The following NSD2 variants were observed in gnomAD, a reference collection of about 807,000 sequenced individuals.
NSD2 encodes nuclear receptor binding SET domain protein 2.
NSD2 carries 12 observed loss-of-function variants against 139.0 expected under a neutral mutation model. The observed-to-expected ratio is 0.09, with a 90% confidence interval of 0.06 to 0.14. NSD2 has a LOEUF of 0.14. NSD2 is among the 10% of genes least tolerant of loss of function. NSD2 has a pLI of 1.00. For synonymous variants in NSD2, 669 were observed against 648.7 expected (o/e 1.03, Z -0.48); for missense variants, 1,155 against 1,745.0 (o/e 0.66, Z 6.02).
intron 9 of NSD2, chr4:1,943,952 C>G: frequency 9.4e-7 from 1 of 1,064,708 alleles, no homozygotes; most frequent in Middle Eastern, 4.2e-4. Context: ...ATAGGTGCTC[C>G]CTCTATATTA....
chr4:1,953,266 C>T (rs779428449), intron 11 of NSD2, 58 bp from the exon 12 acceptor site: 1 of 1,614,014 alleles, frequency 6.2e-7, no homozygotes, highest in South Asian at 1.1e-5. Context: ...CTCAGAACTG[C>T]AATTTAATTC....
chr4:1,970,785 A>G (rs1024900505), intron 18 of NSD2, among the ~76,000 whole-genome samples: 1 of 152,148 alleles, frequency 6.6e-6, no homozygotes, highest in Non-Finnish European at 1.5e-5. Flanking sequence ...TGTCCGGGAC[A>G]TTACATGTGG....
chr4:1,923,955 C>T (rs1720512477), intron 5 of NSD2, among the ~76,000 whole-genome samples: 1 of 152,170 alleles, frequency 6.6e-6, no homozygotes, highest in Non-Finnish European at 1.5e-5. Context: ...TCTCTGCGTC[C>T]ATCTAAAAAG....
rs1032908921 is a variant in NSD2, at chr4:1,973,693, C to T, written c.3373-1170C>T. 1.3e-5 allele frequency among the ~76,000 whole-genome samples: 2 copies of T among 152,222 alleles called. No homozygotes were observed. Among genetic ancestry groups the T allele is most frequent in the African/African-American group, 4.8e-5 (2 of 41,462 alleles). On this transcript the variant is annotated intron_variant, in intron 18 of 21. Transcript: ENST00000508803. This position sits in a 1 kb window ranked among gnomAD's most constrained non-coding sequence, Gnocchi z 5.5. Reference sequence around the variant, plus strand: ...TGGGAGATTGCACCAGGGCTGGGTGCGTGGGCAGTTGTGTCAGAGGCCGCG... The same window carrying T: ...TGGGAGATTGCACCAGGGCTGGGTGTGTGGGCAGTTGTGTCAGAGGCCGCG...
At chr4:1,940,861 C>T (rs531285574) in intron 9 of NSD2, 8 of 1,057,110 alleles carry the variant, frequency 7.6e-6, no homozygotes, top group South Asian at 9.1e-5. Context: ...GCAACCTGGG[C>T]GGGGCTCATA....
chr4:1,914,226 T>G (rs1719060502), intron 3 of NSD2, among the ~76,000 whole-genome samples: 1 of 152,124 alleles, frequency 6.6e-6, no homozygotes, highest in African/African-American at 2.4e-5. Flanking sequence ...TTTTGCTATG[T>G]CGGCCAGGCT....
Position 1,942,740 on chromosome 4 carries a change from C to G in NSD2, c.1881+2962C>G. Reference sequence around the variant, plus strand: ...AGGGGTGGCCCTGTTAGAGTTGCTTCTCCTCTAGTTTGTAACTTACTGGAC... The same window carrying G: ...AGGGGTGGCCCTGTTAGAGTTGCTTGTCCTCTAGTTTGTAACTTACTGGAC... On this transcript the variant is annotated intron_variant, in intron 9 of 21. Coordinates refer to ENST00000508803, the MANE Select transcript of NSD2 (RefSeq NM_001042424.3). This position sits in a 1 kb window ranked among gnomAD's most constrained non-coding sequence, Gnocchi z 4.0. 1 of 1,093,738 alleles carries G rather than the reference C, an allele frequency of 9.1e-7. No homozygotes were observed. The allele number at this position is 1,093,738 out of a possible 1,614,324, so 67.8% of individuals were successfully genotyped here. A position where few individuals can be genotyped will look rare whatever the true frequency, so the allele number is the denominator to read the frequency against.
chr4:1,871,762 G>A (rs1405653096), intron 1 of NSD2, among the ~76,000 whole-genome samples: 4 of 149,514 alleles, frequency 2.7e-5, no homozygotes, highest in South Asian at 2.1e-4. Context: ...TGGGGACCGC[G>A]AGGACCGCGG....
At chr4:1,952,573 A>G (rs1013765991) in intron 11 of NSD2, among the ~76,000 whole-genome samples, 7 of 152,222 alleles carry the variant, frequency 4.6e-5, no homozygotes, top group Admixed American at 1.3e-4. Flanking sequence ...CCGCTCAGAC[A>G]GTGCAGCATT....
intron 1 of NSD2, among the ~76,000 whole-genome samples, chr4:1,894,959 T>C (rs1716058610): frequency 6.6e-6 from 1 of 152,210 alleles, no homozygotes; most frequent in South Asian, 2.1e-4. Flanking sequence ...TCCCCCAGTT[T>C]CTGGCACTCA....
Position 1,955,273 on chromosome 4 carries a change from C to A in NSD2, c.2451C>A (p.Phe817Leu). Residue 817 changes from phenylalanine (F) to leucine (L), a missense_variant, in exon 13 of 22, where the codon TTC becomes TTA. By Grantham distance (22) the Phe-to-Leu change is conservative (BLOSUM62 0). Transcript: ENST00000508803. This position sits in a 1 kb window ranked among gnomAD's most constrained non-coding sequence, Gnocchi z 4.7. ...ASNSIICTAH[F>L]TARKGKRHHA... ...ACAGCATCATCTGCACTGCCCACTT[C>A]ACTGCTCGGAAGGGGAAGCGACACC... 6.2e-7 allele frequency: 1 copy of A among 1,614,172 alleles called. No homozygotes were observed. Among genetic ancestry groups the A allele is most frequent in the Non-Finnish European group, 8.5e-7 (1 of 1,180,038 alleles).
chr4:1,932,528 C>T (rs527898636), intron 6 of NSD2, among the ~76,000 whole-genome samples: 52 of 151,860 alleles, frequency 3.4e-4, no homozygotes, highest in African/African-American at 1.1e-3. Context: ...GGGCAGATCA[C>T]CTGAGGTCGG....
At chr4:1,879,577 T>G (rs1425399507) in intron 1 of NSD2, among the ~76,000 whole-genome samples, 1 of 152,152 alleles carries the variant, frequency 6.6e-6, no homozygotes, top group African/African-American at 2.4e-5. Context: ...TGGCCAGTGA[T>G]CCTGCCTGTC....
rs1727658938 is a variant in NSD2 at position 1,980,590 on chromosome 4, G to GT, written c.*1682dup. 3 of 233,060 alleles carry GT rather than the reference G, an allele frequency of 1.3e-5. No homozygotes were observed. The highest frequency in any genetic ancestry group is 4.4e-5 in the African/African-American group (2 of 45,336). The allele number at this position is 233,060 out of a possible 1,614,324, so 14.4% of individuals were successfully genotyped here. On this transcript the variant is annotated 3_prime_UTR_variant, in exon 22 of 22. Coordinates refer to ENST00000508803, the MANE Select transcript of NSD2 (RefSeq NM_001042424.3). ...TGGCTACTCCGTGGTTTTGTGACCT[G>GT]TAAGCGTGGGGTTCAGGGGTGTGTG...
In NSD2 at chr4:1,917,032, A is replaced by G; in HGVS notation, c.922A>G (p.Ile308Val). Residue 308 changes from isoleucine (I) to valine (V), a missense_variant, in exon 4 of 22, where the codon ATT becomes GTT. Physicochemically the swap from Ile to Val is conservative, Grantham distance 29. Around this residue, in one of 8 missense-constraint regions of NSD2, gnomAD observed 420 missense variants for 469.0 expected, o/e 0.90. Transcript: ENST00000508803. ...GCAGGCACCCACGAAAGCTGAGAAA[A>G]TTAAGGTGATAGATGACCCTTCAGT... Reference protein sequence around the residue: ...AKQAPTKAEKIKLLKPISGKL... With the variant: ...AKQAPTKAEKVKLLKPISGKL... The G allele has an allele frequency of 1.2e-6, 2 of 1,611,916 alleles. No homozygotes were observed. Among genetic ancestry groups the G allele is most frequent in the Non-Finnish European group, 1.7e-6 (2 of 1,179,280 alleles).
intron 1 of NSD2, among the ~76,000 whole-genome samples, chr4:1,897,509 T>C (rs1182735631): frequency 1.3e-5 from 2 of 152,114 alleles, no homozygotes; most frequent in African/African-American, 2.4e-5. Flanking sequence ...AAAAATTGTT[T>C]GGCAGGGTAC....
At chr4:1,929,062 G>T (rs1365663680) in intron 5 of NSD2, among the ~76,000 whole-genome samples, 1 of 152,120 alleles carries the variant, frequency 6.6e-6, no homozygotes, top group Non-Finnish European at 1.5e-5. Flanking sequence ...TGTCCTCAAG[G>T]TGGGAGGTCC....
At chr4:1,888,240 A>C (rs1715262753) in intron 1 of NSD2, among the ~76,000 whole-genome samples, 1 of 151,784 alleles carries the variant, frequency 6.6e-6, no homozygotes, top group African/African-American at 2.4e-5. Flanking sequence ...TGGTGAAACC[A>C]GTCTCCACTA....
In NSD2 at chr4:1,981,216, T is replaced by TA. The variant is rs771300751; in HGVS notation, c.*2310dup. The TA allele has an allele frequency of 4.3e-6, 1 of 233,182 alleles. No homozygotes were observed. Among genetic ancestry groups the TA allele is most frequent in the African/African-American group, 2.2e-5 (1 of 45,358 alleles). The allele number at this position is 233,182 out of a possible 1,614,324, so 14.4% of individuals were successfully genotyped here. Reference sequence around the variant, plus strand: ...GTTTCTCCCCCTTTCCAAAAACTGTTAAACTAATGAGCAAGTAACACTAAC... The same window carrying TA: ...GTTTCTCCCCCTTTCCAAAAACTGTTAAAACTAATGAGCAAGTAACACTAAC... On this transcript the variant is annotated 3_prime_UTR_variant, in exon 22 of 22. Coordinates refer to ENST00000508803, the MANE Select transcript of NSD2 (RefSeq NM_001042424.3).
Sources: allele counts gnomAD v4.1 joint callset (sites outside exome capture counted in the v4.1 genomes callset), GRCh38; gene constraint gnomAD v4.1.1; regional missense constraint gnomAD v4.1.1; non-coding constraint Gnocchi (gnomAD v3.1); transcripts MANE v1.5; gene names NCBI Gene and HGNC (gene_info 2026-07-23, HGNC 2026-07-21).